Variants in CARMIL1 observed in about 807,000 individuals in gnomAD.
CARMIL1 encodes F-actin-uncapping protein LRRC16A.
CARMIL1 carries 90 observed loss-of-function variants against 177.1 expected under a neutral mutation model. That is an observed-to-expected ratio of 0.51 (90% CI 0.43 to 0.61). The LOEUF is 0.61. Among genes scored for constraint, CARMIL1 ranks in the 20% least tolerant of loss-of-function variants. The pLI is 0.00. For missense variants in CARMIL1, 1,380 were observed against 1,667.0 expected, an observed-to-expected ratio of 0.83 and a Z score of 3.00; for synonymous variants, 577 against 606.2, an observed-to-expected ratio of 0.95 and a Z score of 0.71.
At chr6:25,369,384 T>TTG (rs1554179553) in intron 2 of CARMIL1, among the ~76,000 whole-genome samples, 3 of 79,964 alleles carry the variant, frequency 3.8e-5, no homozygotes, top group Admixed American at 1.2e-4. Context: ...ATTTTGTTTT[T>TTG]TTTTTTTTTT....
intron 2 of CARMIL1, among the ~76,000 whole-genome samples, chr6:25,308,496 C>T (rs1052420771): frequency 1.3e-5 from 2 of 151,708 alleles, no homozygotes; most frequent in Non-Finnish European, 2.9e-5. Context: ...ATTCTCCTGC[C>T]TCAGCCTCCC....
chr6:25,414,220 A>G (rs1406126614), intron 2 of CARMIL1, among the ~76,000 whole-genome samples: 9 of 152,202 alleles, frequency 5.9e-5, no homozygotes, highest in Non-Finnish European at 1.5e-5. Flanking sequence ...ACAAAAGTCT[A>G]TCAGGTTTAA....
At chr6:25,495,905 A>G (rs1243733582) in intron 16 of CARMIL1, among the ~76,000 whole-genome samples, 1 of 152,112 alleles carries the variant, frequency 6.6e-6, no homozygotes, top group Non-Finnish European at 1.5e-5. Context: ...TTTGAGTCTA[A>G]AGAAGGTATT....
intron 2 of CARMIL1, among the ~76,000 whole-genome samples, chr6:25,294,622 A>C (rs1362024176): frequency 6.6e-6 from 1 of 152,156 alleles, no homozygotes; most frequent in African/African-American, 2.4e-5. Flanking sequence ...ATCACAGAAC[A>C]ATTTTTCTCC....
At chr6:25,610,256 TC>T in intron 36 of CARMIL1, 75 bp downstream of exon 36, 7 of 1,466,856 alleles carry the variant, frequency 4.8e-6, no homozygotes, top group Non-Finnish European at 6.3e-6. Flanking sequence ...AAGGAACTCA[TC>T]CTGGACTTTA....
rs1466217960 is a variant in CARMIL1, at chr6:25,390,310, ATATATATATATTTTT to A, written c.139-29802_139-29788del. Among the ~76,000 whole-genome samples, 138 of 38,640 alleles carry A rather than the reference ATATATATATATTTTT, an allele frequency of 3.6e-3. 1 individual carries two copies. The Middle Eastern group carries it at 0.05, about 14-fold the overall frequency. The allele number at this position is 38,640 out of a possible 152,430, so 25.3% of individuals were successfully genotyped here. ...TATATTTACATATATATATATATAT[ATATATATATATTTTT>A]TTTTTTTTTTTTTTGAGACAGGGTC... is the stretch of plus-strand genomic sequence containing the variant. On this transcript the variant is annotated intron_variant, in intron 2 of 36. Transcript: ENST00000329474.
intron 12 of CARMIL1, among the ~76,000 whole-genome samples, chr6:25,485,027 C>G (rs1050651057): frequency 6.6e-6 from 1 of 151,978 alleles, no homozygotes; most frequent in South Asian, 2.1e-4. Flanking sequence ...AGAGTGAGAA[C>G]CTGTCTCTTA....
rs1362967688 is a variant in CARMIL1, at chr6:25,284,878, T to C, written c.107T>C (p.Val36Ala). The change falls in exon 2 of 37, where the codon GTT becomes GCT. Residue 36 changes from valine (V) to alanine (A), a missense_variant. Transcript: ENST00000329474. Reference sequence around the variant, plus strand: ...GTGAAGAAGAAAGTAAAGTTGGAAGTTAAGGGAGACAAAGTTGAAAACAAA... The same window carrying C: ...GTGAAGAAGAAAGTAAAGTTGGAAGCTAAGGGAGACAAAGTTGAAAACAAA... Reference protein sequence around the residue: ...ISVKKKVKLEVKGDKVENKVL... With the variant: ...ISVKKKVKLEAKGDKVENKVL... The C allele has an allele frequency of 6.4e-7, 1 of 1,571,390 alleles. No homozygotes were observed. The highest frequency in any genetic ancestry group is 1.2e-5 in the South Asian group (1 of 85,300).
At chr6:25,563,171 T>C in intron 29 of CARMIL1, 1 of 956,580 alleles carries the variant, frequency 1.0e-6, no homozygotes. Context: ...AAATAATTTC[T>C]CTAAACTCAG....
chr6:25,503,713 C>A (rs1329687466), intron 17 of CARMIL1, among the ~76,000 whole-genome samples: 2 of 152,202 alleles, frequency 1.3e-5, no homozygotes, highest in Non-Finnish European at 2.9e-5. Flanking sequence ...CAGCCCTTGA[C>A]TTTCTCCGAT....
chr6:25,537,662 AT>A (rs1808435445), intron 24 of CARMIL1, among the ~76,000 whole-genome samples, 192 bp from the exon 25 acceptor site: 2 of 152,236 alleles, frequency 1.3e-5, no homozygotes, highest in Non-Finnish European at 2.9e-5. Flanking sequence ...GGTTACTTGC[AT>A]GAATAAAGTA....
At chr6:25,537,124 C>G (rs1347742858) in intron 24 of CARMIL1, among the ~76,000 whole-genome samples, 1 of 152,046 alleles carries the variant, frequency 6.6e-6, no homozygotes, top group Admixed American at 6.6e-5. Flanking sequence ...CCACCATCTC[C>G]CATTGGGTTT....
At chr6:25,516,246 G>A (rs1335582808) in intron 21 of CARMIL1, among the ~76,000 whole-genome samples, 2 of 152,146 alleles carry the variant, frequency 1.3e-5, no homozygotes, top group Non-Finnish European at 2.9e-5. Context: ...CATGCCTGCC[G>A]ATATAAAGAC....
chr6:25,522,025 A>G (rs150117100), intron 23 of CARMIL1, among the ~76,000 whole-genome samples: 257 of 152,226 alleles, frequency 1.7e-3, no homozygotes, highest in Non-Finnish European at 3.0e-3. Flanking sequence ...CCTTCCATCT[A>G]GTGTTCCAAA....
chr6:25,279,835 G>A lies in CARMIL1; in HGVS notation c.40G>A (p.Glu14Lys), dbSNP rs746515822. The change falls in exon 1 of 37, where the codon GAA (glutamate) becomes AAA (lysine). Residue 14 changes from glutamate to lysine, a missense_variant and splice_region_variant. Coordinates refer to ENST00000329474, the MANE Select transcript of CARMIL1 (RefSeq NM_017640.6). ...CTCTGACGTTCCCAGGGAGTTGATA[G>A]GTAAGATTCACGCGGTTGTTGGTTT... ...ESSDVPRELI[E>K]SIKDVIGRKI... 1 of 1,613,992 alleles carries A rather than the reference G, an allele frequency of 6.2e-7. No homozygotes were observed. Among genetic ancestry groups the A allele is most frequent in the Non-Finnish European group, 8.5e-7 (1 of 1,179,874 alleles).
intron 2 of CARMIL1, among the ~76,000 whole-genome samples, chr6:25,380,675 C>T (rs1359856285): frequency 6.6e-6 from 1 of 152,170 alleles, no homozygotes; most frequent in African/African-American, 2.4e-5. Context: ...GATAGTTCTT[C>T]CTTTTTAAAA....
intron 8 of CARMIL1, among the ~76,000 whole-genome samples, chr6:25,463,866 A>G (rs1279832066): frequency 8.5e-6 from 1 of 117,856 alleles, no homozygotes; most frequent in African/African-American, 3.3e-5. Flanking sequence ...TCTGTCGCCC[A>G]GGCTGGAGTG....
At chr6:25,549,356 G>C (rs1465208472) in intron 26 of CARMIL1, among the ~76,000 whole-genome samples, 1 of 152,158 alleles carries the variant, frequency 6.6e-6, no homozygotes, top group Admixed American at 6.6e-5. Flanking sequence ...GAGGTTGTTT[G>C]TATCAGGAGT....
chr6:25,338,579 A>G (rs1333837629), intron 2 of CARMIL1, among the ~76,000 whole-genome samples: 3 of 146,266 alleles, frequency 2.1e-5, no homozygotes, highest in African/African-American at 7.6e-5. Context: ...TTTCTTGACT[A>G]GTTTTGTTAG....
Sources: allele counts gnomAD v4.1 joint callset (sites outside exome capture counted in the v4.1 genomes callset), GRCh38; gene constraint gnomAD v4.1.1; transcripts MANE v1.5; gene names NCBI Gene and HGNC (gene_info 2026-07-23, HGNC 2026-07-21).